Variants in KCNN2 observed in about 807,000 individuals in gnomAD.
KCNN2 encodes the protein small conductance calcium-activated potassium channel protein 2.
A neutral mutation model predicts 55.5 loss-of-function variants in KCNN2; 24 were observed. That is an observed-to-expected ratio of 0.43 (90% CI 0.31 to 0.61). KCNN2 has a LOEUF of 0.61. Ranked by LOEUF, KCNN2 falls within the 20% of genes least tolerant of loss-of-function variation. KCNN2 has a pLI of 0.08. For missense variants in KCNN2, 754 were observed against 853.6 expected (o/e 0.88, Z 1.45); for synonymous variants, 431 against 336.1 (o/e 1.28, Z -3.09).
At chr5:114,471,915 A>G (rs1196306252) in intron 4 of KCNN2, among the ~76,000 whole-genome samples, 1 of 152,202 alleles carries the variant, frequency 6.6e-6, no homozygotes, top group Non-Finnish European at 1.5e-5. Flanking sequence ...GAGTAAGCCC[A>G]AAGATGGATT....
At chr5:114,299,666 C>G (rs1561561523) in intron 2 of KCNN2, among the ~76,000 whole-genome samples, 2 of 152,204 alleles carry the variant, frequency 1.3e-5, no homozygotes, top group Admixed American at 1.3e-4. Flanking sequence ...TCTCTGGGCA[C>G]TGGCAACCAC....
At chr5:114,449,915 C>CGT (rs1760592921) in intron 3 of KCNN2, among the ~76,000 whole-genome samples, 1 of 151,114 alleles carries the variant, frequency 6.6e-6, no homozygotes, top group African/African-American at 2.4e-5. Flanking sequence ...CACACGCGCG[C>CGT]GCTCGCGTGC....
At chr5:114,302,505 A>G (rs1756186593) in intron 2 of KCNN2, among the ~76,000 whole-genome samples, 1 of 152,188 alleles carries the variant, frequency 6.6e-6, no homozygotes, top group African/African-American at 2.4e-5. Context: ...GAAGAAAATG[A>G]TAGGTATTAG....
intron 3 of KCNN2, among the ~76,000 whole-genome samples, chr5:114,425,045 A>C (rs1200562214): frequency 6.6e-6 from 1 of 152,240 alleles, no homozygotes; most frequent in Non-Finnish European, 1.5e-5. Flanking sequence ...AAGGGAATTC[A>C]CATCAAATGG....
At position 114,242,962 on chromosome 5, in the gene KCNN2, T is replaced by G. The variant is rs189099144; in HGVS notation, c.-185+21397T>G. 4.7e-3 allele frequency among the ~76,000 whole-genome samples: 722 copies of G among 152,320 alleles called. 5 individuals are homozygous for G. The highest frequency in any genetic ancestry group is 0.017 in the African/African-American group (690 of 41,568). On this transcript the variant is annotated intron_variant, in intron 2 of 10. Coordinates refer to the KCNN2 transcript ENST00000512097. Reference sequence around the variant, plus strand: ...TATTAAACAAATATTACTGAGTGTTTTCTCAGTGTCAAATACTGATTAGAC... The same window carrying G: ...TATTAAACAAATATTACTGAGTGTTGTCTCAGTGTCAAATACTGATTAGAC...
intron 1 of KCNN2, among the ~76,000 whole-genome samples, chr5:114,147,911 G>A (rs572960188): frequency 3.4e-4 from 51 of 152,222 alleles, no homozygotes; most frequent in African/African-American, 1.2e-3. Context: ...GTCCTGCATT[G>A]GCAACAGCTA....
At chr5:114,273,397 G>A (rs1755413232) in intron 2 of KCNN2, among the ~76,000 whole-genome samples, 1 of 152,078 alleles carries the variant, frequency 6.6e-6, no homozygotes, top group Non-Finnish European at 1.5e-5. Flanking sequence ...GGGATTACTG[G>A]GTCAAATGGT....
chr5:114,164,512 T>A (rs1188683913), intron 1 of KCNN2, among the ~76,000 whole-genome samples: 1 of 152,108 alleles, frequency 6.6e-6, no homozygotes, highest in African/African-American at 2.4e-5. Context: ...CCTGTTGAGG[T>A]GACATGTGAG....
chr5:114,086,247 T>G (rs2112547968), intron 1 of KCNN2, among the ~76,000 whole-genome samples: 2 of 152,212 alleles, frequency 1.3e-5, no homozygotes, highest in South Asian at 4.2e-4. Flanking sequence ...GGATGATTAG[T>G]CCAATCTGTT....
intron 3 of KCNN2, among the ~76,000 whole-genome samples, chr5:114,407,751 T>A (rs1758982607): frequency 1.3e-5 from 2 of 152,224 alleles, no homozygotes; most frequent in Admixed American, 1.3e-4. Context: ...TGACAGCGTC[T>A]TGGGAATTGA....
At chr5:114,184,271 G>A (rs1168840803) in intron 1 of KCNN2, among the ~76,000 whole-genome samples, 1 of 152,196 alleles carries the variant, frequency 6.6e-6, no homozygotes, top group Non-Finnish European at 1.5e-5. Flanking sequence ...CACTGGAAAT[G>A]CTTTTACTGG....
chr5:114,441,153 T>C (rs1030067691), intron 3 of KCNN2, among the ~76,000 whole-genome samples: 4 of 152,178 alleles, frequency 2.6e-5, no homozygotes, highest in Non-Finnish European at 1.5e-5. Context: ...ATTCTAAACT[T>C]GTTTGTATAT....
At chr5:114,335,024 C>A (rs555021521) in intron 2 of KCNN2, among the ~76,000 whole-genome samples, 75 of 152,126 alleles carry the variant, frequency 4.9e-4, no homozygotes, top group Admixed American at 7.2e-4. Flanking sequence ...TCTGGGTTCA[C>A]GCCATTCTCC....
intron 1 of KCNN2, among the ~76,000 whole-genome samples, chr5:114,213,840 CTA>C (rs960878074): frequency 2.6e-5 from 4 of 152,090 alleles, no homozygotes; most frequent in African/African-American, 9.7e-5. Flanking sequence ...GTAACCTCTA[CTA>C]TATGAATTGA....
At chr5:114,220,349 C>G (rs1292626040) in intron 1 of KCNN2, among the ~76,000 whole-genome samples, 1 of 151,978 alleles carries the variant, frequency 6.6e-6, no homozygotes, top group Non-Finnish European at 1.5e-5. Context: ...TATCTAAATG[C>G]TACTTTACCA....
chr5:114,076,676 A>G (rs1750690860), intron 1 of KCNN2, among the ~76,000 whole-genome samples: 1 of 152,136 alleles, frequency 6.6e-6, no homozygotes, highest in South Asian at 2.1e-4. Flanking sequence ...TAGGTTTTCA[A>G]AGAACTTTTT....
At chr5:114,353,641 G>C (rs1229345450) in intron 2 of KCNN2, among the ~76,000 whole-genome samples, 1 of 151,808 alleles carries the variant, frequency 6.6e-6, no homozygotes, top group Non-Finnish European at 1.5e-5. Context: ...AAGTCTGTTA[G>C]CATTACATTC....
chr5:114,216,323 G>T (rs1754000306), intron 1 of KCNN2, among the ~76,000 whole-genome samples: 1 of 152,134 alleles, frequency 6.6e-6, no homozygotes, highest in African/African-American at 2.4e-5. Flanking sequence ...ATATGGCTCT[G>T]CAATCAGTGA....
intron 1 of KCNN2, among the ~76,000 whole-genome samples, chr5:114,135,658 G>A (rs1011481416): frequency 2.0e-5 from 3 of 152,218 alleles, no homozygotes; most frequent in Non-Finnish European, 4.4e-5. Context: ...TTTTTCTGAT[G>A]TGAGCAGATA....
Sources: allele counts gnomAD v4.1 joint callset (sites outside exome capture counted in the v4.1 genomes callset), GRCh38; gene constraint gnomAD v4.1.1; transcripts MANE v1.5; gene names NCBI Gene and HGNC (gene_info 2026-07-23, HGNC 2026-07-21).